The following PPEF2 variants were observed in gnomAD, a reference collection of about 807,000 sequenced individuals.
PPEF2 encodes protein phosphatase with EF-hand domain 2.
In PPEF2, 84 loss-of-function variants were observed where a neutral mutation model predicts 84.7. That is an observed-to-expected ratio of 0.99 (90% CI 0.83 to 1.19). PPEF2 has a LOEUF of 1.19. Among genes scored for constraint, PPEF2 ranks in the 50% most tolerant of loss-of-function variants. The probability of loss-of-function intolerance (pLI) is 0.00; values close to 1 mark genes in which losing one functional copy is unlikely to be tolerated. For synonymous variants in PPEF2, 346 were observed against 345.2 expected, an observed-to-expected ratio of 1.00 and a Z score of -0.03; for missense variants, 924 against 937.5, an observed-to-expected ratio of 0.99 and a Z score of 0.19.
intron 12 of PPEF2, among the ~76,000 whole-genome samples, chr4:75,872,624 G>A (rs1724308968): frequency 6.6e-6 from 1 of 152,188 alleles, no homozygotes; most frequent in South Asian, 2.1e-4. Context: ...GTTGGGAAAT[G>A]CTAGATACTG....
At chr4:75,864,846 A>G (rs928799240) in intron 15 of PPEF2, among the ~76,000 whole-genome samples, 1 of 152,230 alleles carries the variant, frequency 6.6e-6, no homozygotes, top group Non-Finnish European at 1.5e-5. Flanking sequence ...TTACATGTAC[A>G]TAATGAGATA....
chr4:75,876,690 A>G lies in PPEF2; in HGVS notation c.934-17T>C. The G allele has an allele frequency of 3.3e-6, 5 of 1,518,018 alleles. No homozygotes were observed. Among genetic ancestry groups the G allele is most frequent in the Non-Finnish European group, 4.4e-6 (5 of 1,132,362 alleles). 94.0% of individuals were successfully genotyped at this position (1,518,018 alleles called of 1,614,324 possible). On this transcript the variant is annotated splice_polypyrimidine_tract_variant and intron_variant, in intron 10 of 16. Transcript: ENST00000286719. ...GGAAACTATCTAAACACGTCCAGAA[A>G]GAGATACAGATGCTGGAATGAAACT...
chr4:75,877,119 G>T (rs1450903973), intron 10 of PPEF2, among the ~76,000 whole-genome samples: 2 of 151,922 alleles, frequency 1.3e-5, no homozygotes, highest in African/African-American at 4.8e-5. Context: ...CTGATCACCT[G>T]CCTGAATTGG....
rs1419096121 is a variant in PPEF2, at chr4:75,884,659, C to T, written c.681G>A (p.Met227Ile). 1.2e-6 allele frequency: 2 copies of T among 1,613,770 alleles called. No individual in the cohort carries two copies. The highest frequency in any genetic ancestry group is 1.7e-6 in the Non-Finnish European group (2 of 1,179,842). ...GATGGAACTCTTTGGGGTAAACCAGCATGAAGGCAAAAAGAATCATCAGGA... is the reference window on the plus strand; with the variant it reads ...GATGGAACTCTTTGGGGTAAACCAGTATGAAGGCAAAAAGAATCATCAGGA... ...VEILMILFAFMLVYPKEFHLN... is the reference protein window; with the variant it reads ...VEILMILFAFILVYPKEFHLN... Residue 227 changes from methionine (M) to isoleucine (I), a missense_variant, in exon 8 of 17, where the codon ATG (methionine) becomes ATA (isoleucine). By Grantham distance (10) the Met-to-Ile change is conservative (BLOSUM62 1). Transcript: ENST00000286719.
intron 5 of PPEF2, chr4:75,888,999 C>T (rs1724807067): frequency 6.6e-6 from 1 of 152,476 alleles, no homozygotes; most frequent in African/African-American, 2.4e-5. Context: ...ATCATGAGGT[C>T]AGGAGATCGA....
chr4:75,863,425 G>A (rs1454712195), intron 16 of PPEF2, among the ~76,000 whole-genome samples: 6 of 151,042 alleles, frequency 4.0e-5, no homozygotes, highest in African/African-American at 1.2e-4. Context: ...ACTTGAACCC[G>A]GGAGGTGGAG....
At chr4:75,864,142 G>A (rs1165042425) in intron 16 of PPEF2, among the ~76,000 whole-genome samples, 1 of 151,964 alleles carries the variant, frequency 6.6e-6, no homozygotes, top group African/African-American at 2.4e-5. Flanking sequence ...CAAAGTGCTG[G>A]GATTAAGGCA....
intron 5 of PPEF2, among the ~76,000 whole-genome samples, 169 bp downstream of exon 5, chr4:75,889,788 G>A (rs749204448): frequency 4.1e-4 from 63 of 152,156 alleles, no homozygotes; most frequent in Non-Finnish European, 7.6e-4. Context: ...CATCAGAACT[G>A]GCTGATTGAC....
chr4:75,877,269 G>A lies in PPEF2; in HGVS notation c.934-596C>T, dbSNP rs561400288. 6.6e-5 allele frequency among the ~76,000 whole-genome samples: 10 copies of A among 151,824 alleles called. No homozygotes were observed. The East Asian group carries it at 7.8e-4, about 12-fold the overall frequency. On this transcript the variant is annotated intron_variant, in intron 10 of 16. Coordinates refer to ENST00000286719, the MANE Select transcript of PPEF2 (RefSeq NM_006239.3). ...GGGGAATTGCTTGAACCCGGGAGGC[G>A]GAGGTTGCGGTGAGCCAAGATTGCA... is the stretch of plus-strand genomic sequence containing the variant.
intron 2 of PPEF2, among the ~76,000 whole-genome samples, chr4:75,895,127 A>ATTTTTTTTT (rs34515110): frequency 7.7e-6 from 1 of 129,272 alleles, no homozygotes. Context: ...CAGCTAATTA[A>ATTTTTTTTT]TTTTTTTTTT....
chr4:75,883,076 C>T lies in PPEF2; in HGVS notation c.784-1G>A. 1 of 1,613,766 alleles carries T rather than the reference C, an allele frequency of 6.2e-7. No individual in the cohort carries two copies. Among genetic ancestry groups the T allele is most frequent in the Non-Finnish European group, 8.5e-7 (1 of 1,179,822 alleles). ...TTCTTAGTATTTCCTTCCCGTGTAC[C>T]TGGAAAAAATGATATAAACAAAATG... On this transcript the variant is annotated splice_acceptor_variant, in intron 9 of 16. Coordinates refer to ENST00000286719, the MANE Select transcript of PPEF2 (RefSeq NM_006239.3). LOFTEE classifies it high-confidence loss of function.
chr4:75,895,654 C>T (rs1164990598), intron 2 of PPEF2, among the ~76,000 whole-genome samples: 2 of 152,064 alleles, frequency 1.3e-5, no homozygotes, highest in Non-Finnish European at 2.9e-5. Context: ...ATCGCTTGAA[C>T]CCAGGAAGAG....
intron 5 of PPEF2, 98 bp from the exon 6 acceptor site, chr4:75,888,426 G>A: frequency 2.5e-6 from 2 of 805,088 alleles, no homozygotes; most frequent in East Asian, 2.6e-5. Flanking sequence ...CATCACCTAA[G>A]ACCCCAAAAG....
intron 11 of PPEF2, among the ~76,000 whole-genome samples, chr4:75,873,515 C>T (rs568099114): frequency 2.6e-5 from 4 of 152,170 alleles, no homozygotes; most frequent in Non-Finnish European, 4.4e-5. Flanking sequence ...TGAATGTGTG[C>T]GTGCCTACAT....
intron 1 of PPEF2, among the ~76,000 whole-genome samples, chr4:75,897,330 T>G (rs1386370390): frequency 1.3e-5 from 2 of 152,224 alleles, no homozygotes; most frequent in Non-Finnish European, 2.9e-5. Flanking sequence ...TGATCTCACG[T>G]GGTATATGCT....
At chr4:75,875,447 A>T (rs1466658060) in intron 11 of PPEF2, among the ~76,000 whole-genome samples, 1 of 152,078 alleles carries the variant, frequency 6.6e-6, no homozygotes, top group Non-Finnish European at 1.5e-5. Context: ...TATCTCTTCA[A>T]AAAATACAAA....
intron 15 of PPEF2, among the ~76,000 whole-genome samples, chr4:75,865,300 T>C (rs995658177): frequency 5.3e-5 from 8 of 152,132 alleles, no homozygotes; most frequent in African/African-American, 1.9e-4. Flanking sequence ...TTTGCATACA[T>C]TGAACCATCA....
At position 75,876,648 on chromosome 4, in the gene PPEF2, G is replaced by T. The variant is rs774197482; in HGVS notation, c.959C>A (p.Thr320Lys). ...CATCTGCTTCTCACTCTTCTGTCTC[G>T]TTTTGCACCTCATGGTGGAAACTAT... is the stretch of plus-strand genomic sequence containing the variant. ...SKIVSTMRCK[T>K]RQKSEKQMEE... Residue 320 changes from threonine to lysine, a missense_variant, in exon 11 of 17, where the codon ACG becomes AAG. By Grantham distance (78) the Thr-to-Lys change is moderately conservative. Transcript: ENST00000286719. The T allele has an allele frequency of 1.3e-6, 2 of 1,562,736 alleles. No homozygotes were observed. Among genetic ancestry groups the T allele is most frequent in the African/African-American group, 2.7e-5 (2 of 72,990 alleles).
In PPEF2 at chr4:75,899,217, C is replaced by G. The variant is rs533932878; in HGVS notation, c.-58-2834G>C. Among the ~76,000 whole-genome samples the G allele has an allele frequency of 7.2e-5, 11 of 152,270 alleles. No homozygotes were observed. The South Asian group carries it at 2.3e-3, about 32-fold the overall frequency. On this transcript the variant is annotated intron_variant, in intron 1 of 16. Transcript: ENST00000286719. ...ATCCTTTTTATGGCTGAATAGTATT[C>G]CACTGTACATATATACTACATTTTC... is the stretch of plus-strand genomic sequence containing the variant.
Sources: gnomAD v4.1 joint callset for allele counts (sites outside exome capture counted in the v4.1 genomes callset) on GRCh38, gnomAD v4.1.1 for gene constraint, MANE v1.5 for transcripts, NCBI Gene and HGNC (gene_info 2026-07-23, HGNC 2026-07-21) for gene names.